Variants in LRBA observed in about 807,000 individuals in gnomAD.
LRBA encodes lipopolysaccharide-responsive and beige-like anchor protein.
Under a neutral mutation model 330.0 loss-of-function variants are expected in LRBA, and 176 were observed. The ratio of observed to expected loss-of-function variants is 0.53; its 90% CI spans 0.47 to 0.60. LRBA has a LOEUF of 0.60. Among genes scored for constraint, LRBA ranks in the 20% least tolerant of loss-of-function variants. LRBA has a pLI of 0.00. For missense variants in LRBA, 3,259 were observed against 3,444.8 expected, an observed-to-expected ratio of 0.95 and a Z score of 1.35; for synonymous variants, 1,230 against 1,193.0, an observed-to-expected ratio of 1.03 and a Z score of -0.64.
At chr4:150,506,283 A>C (rs548196093) in intron 40 of LRBA, among the ~76,000 whole-genome samples, 1 of 152,214 alleles carries the variant, frequency 6.6e-6, no homozygotes, top group Non-Finnish European at 1.5e-5. Flanking sequence ...AAAAAAGAGA[A>C]TTTTAGACCA....
intron 56 of LRBA, among the ~76,000 whole-genome samples, chr4:150,267,154 G>GAAAC (rs1213166545): frequency 6.6e-6 from 1 of 152,112 alleles, no homozygotes; most frequent in Non-Finnish European, 1.5e-5. Flanking sequence ...GGAAGATAAG[G>GAAAC]AAACAGGACA....
intron 56 of LRBA, among the ~76,000 whole-genome samples, chr4:150,267,597 C>T (rs1745529645): frequency 6.6e-6 from 1 of 151,998 alleles, no homozygotes; most frequent in South Asian, 2.1e-4. Context: ...CTAACTTTAC[C>T]TCTTAAGGAA....
intron 33 of LRBA, 67 bp from the exon 34 acceptor site, chr4:150,798,209 T>C (rs906201332): frequency 5.0e-6 from 5 of 1,002,068 alleles, no homozygotes; most frequent in East Asian, 2.4e-5. Context: ...TACAATTTCA[T>C]CCAAACTGTT....
intron 37 of LRBA, among the ~76,000 whole-genome samples, chr4:150,655,510 G>C (rs1261471227): frequency 1.3e-5 from 2 of 152,198 alleles, no homozygotes; most frequent in Non-Finnish European, 2.9e-5. Context: ...AAGTGCATAT[G>C]TAATTTTGGT....
chr4:150,801,636 C>T (rs1741624925), intron 33 of LRBA, among the ~76,000 whole-genome samples: 1 of 152,164 alleles, frequency 6.6e-6, no homozygotes, highest in Non-Finnish European at 1.5e-5. Context: ...AATCATCCCA[C>T]AAGACGGAAG....
intron 40 of LRBA, among the ~76,000 whole-genome samples, chr4:150,497,944 T>C (rs1004225805): frequency 6.6e-6 from 1 of 152,222 alleles, no homozygotes; most frequent in Non-Finnish European, 1.5e-5. Flanking sequence ...TGAAAATTAC[T>C]TGCCCTTATG....
At chr4:151,005,023 T>A (rs750450955) in intron 2 of LRBA, among the ~76,000 whole-genome samples, 1 of 151,858 alleles carries the variant, frequency 6.6e-6, no homozygotes, top group Non-Finnish European at 1.5e-5. Flanking sequence ...GGAAAAAAGA[T>A]AAGAAGTGGA....
At chr4:150,859,352 T>A (rs971134326) in intron 22 of LRBA, among the ~76,000 whole-genome samples, 2 of 152,148 alleles carry the variant, frequency 1.3e-5, no homozygotes, top group African/African-American at 4.8e-5. Flanking sequence ...AAAATTCTCA[T>A]AATTCAGAAT....
At chr4:150,344,739 T>A (rs1736046484) in intron 48 of LRBA, among the ~76,000 whole-genome samples, 1 of 152,164 alleles carries the variant, frequency 6.6e-6, no homozygotes, top group African/African-American at 2.4e-5. Context: ...TTTGTAGAGA[T>A]GAAGTCTTGC....
At chr4:150,295,230 C>T (rs1459845538) in intron 53 of LRBA, among the ~76,000 whole-genome samples, 2 of 128,368 alleles carry the variant, frequency 1.6e-5, no homozygotes, top group Non-Finnish European at 3.1e-5. Context: ...AAGACAGGGT[C>T]TCACTCTGTT....
At position 150,828,760 on chromosome 4, in the gene LRBA, A is replaced by ACGTATT; in HGVS notation, c.4730-145_4730-140dup. The ACGTATT allele has an allele frequency of 1.6e-5, 11 of 679,958 alleles. No individual in the cohort carries two copies. In the South Asian group the frequency reaches 2.0e-4, roughly 13 times the overall value. The allele number at this position is 679,958 out of a possible 1,614,324, so 42.1% of individuals were successfully genotyped here. On this transcript the variant is annotated intron_variant, in intron 29 of 56. Transcript: ENST00000651943. ...TGTTCTAAAAAAGCAAAAACTAATT[A>ACGTATT]CGTATTCTACAGAATGTACTGAGTG... is the stretch of plus-strand genomic sequence containing the variant.
intron 46 of LRBA, among the ~76,000 whole-genome samples, chr4:150,434,133 T>A (rs943483257): frequency 1.3e-5 from 2 of 152,174 alleles, no homozygotes; most frequent in African/African-American, 4.8e-5. Flanking sequence ...CATCTGGCAC[T>A]TATTTTCTCC....
intron 37 of LRBA, among the ~76,000 whole-genome samples, chr4:150,651,252 G>C (rs1779680661): frequency 6.6e-6 from 1 of 152,060 alleles, no homozygotes; most frequent in Admixed American, 6.6e-5. Flanking sequence ...TATGAAGCCA[G>C]TATGGGCTCC....
In LRBA at chr4:150,575,976, G is replaced by A. The variant is rs1019648066; in HGVS notation, c.6330+12072C>T. On this transcript the variant is annotated intron_variant, in intron 40 of 56. Transcript: ENST00000651943. ...TGATGTTAAAGGCCAGCAAAATTTG[G>A]TTCTCCAGGTAGAAAAGTCACAAAG... Among the ~76,000 whole-genome samples, 11 of 151,708 alleles carry A rather than the reference G, an allele frequency of 7.3e-5. 1 individual carries two copies. The highest frequency in any genetic ancestry group is 1.6e-4 in the Non-Finnish European group (11 of 67,784).
At chr4:150,757,613 G>C (rs1222692775) in intron 35 of LRBA, among the ~76,000 whole-genome samples, 1 of 152,124 alleles carries the variant, frequency 6.6e-6, no homozygotes, top group South Asian at 2.1e-4. Context: ...ATTAAGTCTA[G>C]TAGTCAAACA....
At chr4:150,825,845 G>A (rs971808682) in intron 30 of LRBA, among the ~76,000 whole-genome samples, 3 of 152,170 alleles carry the variant, frequency 2.0e-5, no homozygotes, top group African/African-American at 4.8e-5. Context: ...TGCTTGATAT[G>A]TACTGTAGAT....
intron 37 of LRBA, among the ~76,000 whole-genome samples, chr4:150,607,866 C>G (rs988351267): frequency 1.3e-5 from 2 of 152,006 alleles, no homozygotes; most frequent in African/African-American, 4.8e-5. Flanking sequence ...GAAACCCCGT[C>G]TCTACTAAAA....
chr4:150,352,516 G>T (rs552778639), intron 47 of LRBA, among the ~76,000 whole-genome samples: 18 of 152,248 alleles, frequency 1.2e-4, no homozygotes, highest in African/African-American at 3.9e-4. Context: ...AATTGAGAAA[G>T]TTATTGTTTT....
In LRBA at chr4:150,851,905, G is replaced by C. The variant is rs555169864; in HGVS notation, c.3805C>G (p.Pro1269Ala). The C allele has an allele frequency of 5.0e-5, 80 of 1,613,316 alleles. 1 individual carries two copies. In the South Asian group the frequency reaches 8.5e-4, roughly 17 times the overall value. Residue 1269 changes from proline to alanine, a missense_variant, in exon 23 of 57, where the codon CCT (proline) becomes GCT (alanine). Coordinates refer to ENST00000651943, the MANE Select transcript of LRBA (RefSeq NM_001364905.1). ...KASPNVEAPQPHRHVLEISRQ... is the reference protein window; with the variant it reads ...KASPNVEAPQAHRHVLEISRQ... ...ATCACCTCAAGCACATGTCGATGAGGTTGAGGTGCTTCCACGTTGGGACTG... is the reference window on the plus strand; with the variant it reads ...ATCACCTCAAGCACATGTCGATGAGCTTGAGGTGCTTCCACGTTGGGACTG...
Sources: gnomAD v4.1 joint callset for allele counts (sites outside exome capture counted in the v4.1 genomes callset) on GRCh38, gnomAD v4.1.1 for gene constraint, MANE v1.5 for transcripts, NCBI Gene and HGNC (gene_info 2026-07-23, HGNC 2026-07-21) for gene names.